Variants in ARHGAP22 observed in about 807,000 individuals in gnomAD.
ARHGAP22 encodes rho GTPase-activating protein 22.
A neutral mutation model predicts 59.1 loss-of-function variants in ARHGAP22; 48 were observed. The observed-to-expected ratio is 0.81, with a 90% confidence interval of 0.64 to 1.03. The LOEUF is 1.03. ARHGAP22 is among the 50% of genes least tolerant of loss of function. The pLI, the probability that ARHGAP22 is intolerant of heterozygous loss-of-function variation, is 0.00. For synonymous variants in ARHGAP22, 445 were observed against 416.4 expected (o/e 1.07, Z -0.84); for missense variants, 1,015 against 958.7 (o/e 1.06, Z -0.78).
At chr10:48,450,178 G>A (rs886798649) in intron 9 of ARHGAP22, 83 bp downstream of exon 9, 2 of 1,522,364 alleles carry the variant, frequency 1.3e-6, no homozygotes, top group East Asian at 4.9e-5. Flanking sequence ...CAGAGGTTAG[G>A]GGCCGACGCC....
intron 1 of ARHGAP22, among the ~76,000 whole-genome samples, chr10:48,637,224 G>A (rs1393087123): frequency 6.6e-6 from 1 of 152,198 alleles, no homozygotes; most frequent in Non-Finnish European, 1.5e-5. Context: ...GTCGAGGTGG[G>A]GGGCAAGGGG....
intron 3 of ARHGAP22, among the ~76,000 whole-genome samples, chr10:48,528,810 T>C (rs906561079): frequency 1.1e-4 from 16 of 150,608 alleles, no homozygotes; most frequent in Middle Eastern, 3.4e-3. Context: ...CTCCTCCTTT[T>C]TCTCTCTCTC....
chr10:48,626,041 G>A (rs1781098756), intron 1 of ARHGAP22, among the ~76,000 whole-genome samples: 1 of 152,102 alleles, frequency 6.6e-6, no homozygotes, highest in Admixed American at 6.6e-5. Flanking sequence ...TCCCTTCTTT[G>A]GTAGACTGAC....
chr10:48,636,892 A>C (rs1219213856), intron 1 of ARHGAP22, among the ~76,000 whole-genome samples: 2 of 152,218 alleles, frequency 1.3e-5, no homozygotes, highest in Non-Finnish European at 1.5e-5. Context: ...CAGGATATGA[A>C]AGTAAAAGGT....
chr10:48,608,917 A>C (rs2060776720), upstream of ARHGAP22, among the ~76,000 whole-genome samples: 1 of 152,206 alleles, frequency 6.6e-6, no homozygotes, highest in South Asian at 2.1e-4. Context: ...ACATTTTATT[A>C]TTCTTCAGGT....
intron 1 of ARHGAP22, among the ~76,000 whole-genome samples, chr10:48,629,563 A>G (rs2061560825): frequency 6.6e-6 from 1 of 152,130 alleles, no homozygotes; most frequent in African/African-American, 2.4e-5. Flanking sequence ...ATTTGATTCC[A>G]TTCATCCACG....
chr10:48,651,500 G>A (rs2062561239), intron 1 of ARHGAP22, among the ~76,000 whole-genome samples: 1 of 151,272 alleles, frequency 6.6e-6, no homozygotes. Flanking sequence ...CACCCAGTCA[G>A]CACCTGCACA....
intron 3 of ARHGAP22, among the ~76,000 whole-genome samples, chr10:48,530,685 T>A (rs1333841526): frequency 6.6e-6 from 1 of 152,144 alleles, no homozygotes; most frequent in Non-Finnish European, 1.5e-5. Flanking sequence ...ACATCACTAA[T>A]GATCAGGGAA....
At chr10:48,527,894 A>T (rs1332091241) in intron 3 of ARHGAP22, among the ~76,000 whole-genome samples, 3 of 152,206 alleles carry the variant, frequency 2.0e-5, no homozygotes, top group African/African-American at 7.2e-5. Context: ...CCAGCCCACC[A>T]CCAGGCACAG....
intron 1 of ARHGAP22, among the ~76,000 whole-genome samples, chr10:48,618,680 A>G (rs1167311587): frequency 6.6e-6 from 1 of 152,136 alleles, no homozygotes; most frequent in Non-Finnish European, 1.5e-5. Flanking sequence ...CAAGTTAGGT[A>G]CAAAAGGAAT....
chr10:48,600,003 A>G (rs1456849468), intron 1 of ARHGAP22, among the ~76,000 whole-genome samples: 1 of 152,152 alleles, frequency 6.6e-6, no homozygotes, highest in Non-Finnish European at 1.5e-5. Flanking sequence ...GGCTTCTCAG[A>G]TCTCAGAGTC....
At chr10:48,646,958 A>G (rs892087504) in intron 1 of ARHGAP22, among the ~76,000 whole-genome samples, 2 of 152,258 alleles carry the variant, frequency 1.3e-5, no homozygotes, top group African/African-American at 4.8e-5. Flanking sequence ...GTCAAGCCAC[A>G]GACTAGGAGA....
At chr10:48,609,763 G>A (rs2060809769), upstream of ARHGAP22, among the ~76,000 whole-genome samples, 2 of 152,064 alleles carry the variant, frequency 1.3e-5, no homozygotes, top group African/African-American at 2.4e-5. Flanking sequence ...CATGCCCAAG[G>A]CCACGGGGAC....
At position 48,555,510 on chromosome 10, in the gene ARHGAP22, G is replaced by A. The variant is rs923056868; in HGVS notation, c.275C>T (p.Pro92Leu). 1.2e-6 allele frequency: 2 copies of A among 1,614,126 alleles called. No individual in the cohort carries two copies. The highest frequency in any genetic ancestry group is 1.3e-5 in the African/African-American group (1 of 74,940). The change falls in exon 3 of 10, where the codon CCT (proline) becomes CTT (leucine). Residue 92 changes from proline (P) to leucine (L), a missense_variant. Transcript: ENST00000249601. ...CTTCCCTGGGTCCTCGGGGCCAGGA[G>A]GAAGTTCAGTCACCTGTGTCCCTTG... ...SLQGTQVTEL[P>L]PGPEDPGKHL...
chr10:48,459,929 CCAGCT>C (rs761433008), intron 4 of ARHGAP22, 38 bp from the exon 5 acceptor site: 8 of 1,592,496 alleles, frequency 5.0e-6, no homozygotes, highest in Middle Eastern at 2.1e-4. Flanking sequence ...CCTCCACCAC[CCAGCT>C]CAGTGTTGGG....
At chr10:48,447,517 C>T (rs1007698258) in intron 9 of ARHGAP22, among the ~76,000 whole-genome samples, 1 of 152,188 alleles carries the variant, frequency 6.6e-6, no homozygotes, top group East Asian at 1.9e-4. Flanking sequence ...GATTCCTCAA[C>T]CCACCAAAAC....
chr10:48,501,387 G>C (rs1364632882), intron 3 of ARHGAP22, among the ~76,000 whole-genome samples: 3 of 152,232 alleles, frequency 2.0e-5, no homozygotes, highest in Admixed American at 1.3e-4. Context: ...ACGTGTTCCA[G>C]GTGTGTGGGT....
intron 2 of ARHGAP22, among the ~76,000 whole-genome samples, chr10:48,558,616 C>T (rs552844013): frequency 8.1e-4 from 123 of 152,282 alleles, no homozygotes; most frequent in African/African-American, 2.8e-3. Flanking sequence ...ATCTTCTTGC[C>T]TCGGCCTCCC....
intron 2 of ARHGAP22, among the ~76,000 whole-genome samples, chr10:48,557,880 G>A (rs1054049714): frequency 6.6e-6 from 1 of 152,322 alleles, no homozygotes; most frequent in South Asian, 2.1e-4. Context: ...CTGCTCTCTG[G>A]TCCCTGGTAT....
Sources: allele counts gnomAD v4.1 joint callset (sites outside exome capture counted in the v4.1 genomes callset), GRCh38; gene constraint gnomAD v4.1.1; transcripts MANE v1.5; gene names NCBI Gene and HGNC (gene_info 2026-07-23, HGNC 2026-07-21).